The following TRIM2 variants were observed in gnomAD, a reference collection of about 807,000 sequenced individuals.
The protein encoded by TRIM2 is tripartite motif-containing protein 2.
Under a neutral mutation model 75.2 loss-of-function variants are expected in TRIM2, and 20 were observed. The ratio of observed to expected loss-of-function variants is 0.27; its 90% CI spans 0.19 to 0.39. The LOEUF (loss-of-function observed/expected upper bound fraction) is 0.39, where lower values mean the gene tolerates loss of function less well. Among genes scored for constraint, TRIM2 ranks in the 10% least tolerant of loss-of-function variants. The pLI is 1.00. For synonymous variants in TRIM2, 373 were observed against 388.3 expected (o/e 0.96, Z 0.46); for missense variants, 660 against 990.8 (o/e 0.67, Z 4.48).
chr4:153,294,838 C>G (rs1762463379), intron 5 of TRIM2, among the ~76,000 whole-genome samples: 1 of 152,140 alleles, frequency 6.6e-6, no homozygotes, highest in Non-Finnish European at 1.5e-5. Context: ...CAAAATGAAC[C>G]CTGACTGCAG....
At chr4:153,219,986 TG>T (rs1237643847) in intron 1 of TRIM2, among the ~76,000 whole-genome samples, 2 of 152,248 alleles carry the variant, frequency 1.3e-5, no homozygotes, top group Non-Finnish European at 2.9e-5. Flanking sequence ...AGCCCTGTCC[TG>T]GGCACTAAGG....
intron 2 of TRIM2, among the ~76,000 whole-genome samples, chr4:153,271,896 A>T (rs1756768086): frequency 6.6e-6 from 1 of 152,150 alleles, no homozygotes; most frequent in Non-Finnish European, 1.5e-5. Flanking sequence ...CCCATATCCC[A>T]GTATTCAGTG....
At chr4:153,324,464 G>T in intron 10 of TRIM2, 1 of 203,006 alleles carries the variant, frequency 4.9e-6, no homozygotes, top group Non-Finnish European at 9.8e-6. Flanking sequence ...TTTGTGGCTA[G>T]TCAATAAATT....
Position 153,336,099 on chromosome 4 carries a change from G to C in TRIM2, c.*1133G>C. The C allele has an allele frequency of 1.0e-6, 1 of 980,862 alleles. No homozygotes were observed. The highest frequency in any genetic ancestry group is 1.2e-6 in the Non-Finnish European group (1 of 827,378). 60.8% of individuals were successfully genotyped at this position (980,862 alleles called of 1,614,324 possible). On this transcript the variant is annotated 3_prime_UTR_variant, in exon 12 of 12. Coordinates refer to ENST00000338700, the MANE Select transcript of TRIM2 (RefSeq NM_015271.5). ...TCAAGGGACTATGTATACATGATTA[G>C]GGTAAGATAGAATGTATTATATATA...
chr4:153,256,772 T>G (rs2149957910), intron 1 of TRIM2, among the ~76,000 whole-genome samples: 1 of 152,354 alleles, frequency 6.6e-6, no homozygotes, highest in East Asian at 1.9e-4. Flanking sequence ...CATATGATTT[T>G]TCTCTGAATC....
Position 153,232,965 on chromosome 4 carries a change from C to T in TRIM2, c.30+28405C>T, listed in dbSNP as rs535573866. Among the ~76,000 whole-genome samples the T allele has an allele frequency of 7.9e-5, 12 of 152,244 alleles. 1 individual carries two copies. Among genetic ancestry groups the T allele is most frequent in the Admixed American group, 6.5e-4 (10 of 15,298 alleles). ...TGACAGAGCCGGGTGGAGCTGTCCC[C>T]TGGGCCACTGGAAACCTAAGCCAGC... On this transcript the variant is annotated intron_variant, in intron 1 of 11. Transcript: ENST00000338700.
At chr4:153,176,067 CTTTTT>C (rs950915459) in intron 1 of TRIM2, among the ~76,000 whole-genome samples, 2 of 151,002 alleles carry the variant, frequency 1.3e-5, no homozygotes, top group South Asian at 2.1e-4. Context: ...AAAAAAAAAA[CTTTTT>C]TTTAAGAGTA....
chr4:153,182,136 A>C (rs1291041829), intron 1 of TRIM2, among the ~76,000 whole-genome samples: 1 of 152,154 alleles, frequency 6.6e-6, no homozygotes, highest in Non-Finnish European at 1.5e-5. Context: ...GATGTGGTAG[A>C]GGGGAGGTGA....
At chr4:153,324,852 A>G (rs1293223294) in intron 10 of TRIM2, among the ~76,000 whole-genome samples, 2 of 152,218 alleles carry the variant, frequency 1.3e-5, no homozygotes, top group African/African-American at 4.8e-5. Flanking sequence ...TAGGCAGTAC[A>G]CTGGTGGATA....
intron 6 of TRIM2, among the ~76,000 whole-genome samples, chr4:153,300,674 A>C (rs1269205380): frequency 6.6e-6 from 1 of 151,954 alleles, no homozygotes; most frequent in Non-Finnish European, 1.5e-5. Context: ...ACAGGCACGC[A>C]CTAGCACACC....
intron 3 of TRIM2, among the ~76,000 whole-genome samples, chr4:153,283,206 G>A (rs768489495): frequency 2.0e-5 from 3 of 152,148 alleles, no homozygotes; most frequent in Non-Finnish European, 4.4e-5. Context: ...TGCCCTTTAA[G>A]CAGTCACCTC....
At chr4:153,254,534 A>G (rs974829897) in intron 1 of TRIM2, among the ~76,000 whole-genome samples, 1 of 152,194 alleles carries the variant, frequency 6.6e-6, no homozygotes, top group African/African-American at 2.4e-5. Flanking sequence ...TGAGGCCACA[A>G]TATGGGAAAC....
chr4:153,294,664 T>G (rs1489686042), intron 5 of TRIM2, among the ~76,000 whole-genome samples, 179 bp downstream of exon 5: 1 of 152,236 alleles, frequency 6.6e-6, no homozygotes, highest in Non-Finnish European at 1.5e-5. Context: ...ATTCGATGAC[T>G]CTGTGACTTT....
intron 1 of TRIM2, among the ~76,000 whole-genome samples, chr4:153,174,093 G>T (rs951673141): frequency 1.7e-4 from 6 of 34,566 alleles, no homozygotes; most frequent in Non-Finnish European, 2.8e-4. Context: ...CCTCGTGGGT[G>T]CCTGAAGTGC....
chr4:153,331,003 T>C (rs1771357906), intron 11 of TRIM2, among the ~76,000 whole-genome samples: 1 of 152,182 alleles, frequency 6.6e-6, no homozygotes, highest in African/African-American at 2.4e-5. Context: ...TTCAGCAAGA[T>C]TGCAGAATAT....
intron 1 of TRIM2, among the ~76,000 whole-genome samples, chr4:153,177,455 G>A (rs1731557765): frequency 6.6e-6 from 1 of 152,086 alleles, no homozygotes; most frequent in Admixed American, 6.5e-5. Flanking sequence ...AGACCAGCCT[G>A]GCCAACATGG....
In TRIM2 at chr4:153,299,965, G is replaced by A. The variant is rs374448370; in HGVS notation, c.1510+3929G>A. On this transcript the variant is annotated intron_variant, in intron 6 of 11. Transcript: ENST00000338700. ...AGAACCCCTTCCCTCCCTTGTCCAG[G>A]TGTGCTCTCACCATTACTCCGTTTG... is the stretch of plus-strand genomic sequence containing the variant. Among the ~76,000 whole-genome samples, 58 of 152,280 alleles carry A rather than the reference G, an allele frequency of 3.8e-4. 1 individual carries two copies. The South Asian group carries it at 0.012, about 30-fold the overall frequency.
rs984144062 is a variant in TRIM2 at position 153,158,133 on chromosome 4, G to A, written c.-49+4863G>A. Among the ~76,000 whole-genome samples the A allele has an allele frequency of 2.6e-5, 4 of 152,192 alleles. No homozygotes were observed. The East Asian group carries it at 5.8e-4, about 22-fold the overall frequency. ...TTGACAAATTGACTACTTAACGGAA[G>A]ATCTACTTAAGTGTGTCCAGGGACA... On this transcript the variant is annotated intron_variant, in intron 1 of 11. Coordinates refer to the TRIM2 transcript ENST00000437508.
intron 1 of TRIM2, among the ~76,000 whole-genome samples, chr4:153,239,269 G>A (rs1258486179): frequency 1.3e-5 from 2 of 151,616 alleles, no homozygotes; most frequent in Non-Finnish European, 2.9e-5. Flanking sequence ...GGAGAATGGC[G>A]TGAACGCGGG....
Sources: allele counts gnomAD v4.1 joint callset (sites outside exome capture counted in the v4.1 genomes callset), GRCh38; gene constraint gnomAD v4.1.1; transcripts MANE v1.5; gene names NCBI Gene and HGNC (gene_info 2026-07-23, HGNC 2026-07-21).